The following FBXW7 variants were observed in gnomAD, a reference collection of about 807,000 sequenced individuals.
The protein encoded by FBXW7 is F-box/WD repeat-containing protein 7.
FBXW7 carries 11 observed loss-of-function variants against 86.3 expected under a neutral mutation model. The observed-to-expected ratio is 0.13, with a 90% CI of 0.08 to 0.21. The LOEUF (loss-of-function observed/expected upper bound fraction) is 0.21, where lower values mean the gene tolerates loss of function less well. Ranked by LOEUF, FBXW7 falls within the 10% of genes least tolerant of loss-of-function variation. The probability of loss-of-function intolerance (pLI) is 1.00; values close to 1 mark genes in which losing one functional copy is unlikely to be tolerated. For synonymous variants in FBXW7, 313 were observed against 297.9 expected (o/e 1.05, Z -0.52); for missense variants, 488 against 847.4 (o/e 0.58, Z 5.27).
intron 2 of FBXW7, among the ~76,000 whole-genome samples, chr4:152,414,350 A>G (rs186007224): frequency 6.6e-6 from 1 of 152,246 alleles, no homozygotes; most frequent in East Asian, 1.9e-4. Context: ...CTCATGGACC[A>G]TGAAAATGAC....
intron 2 of FBXW7, among the ~76,000 whole-genome samples, chr4:152,473,674 G>A (rs529357459): frequency 9.4e-4 from 143 of 151,998 alleles, no homozygotes; most frequent in African/African-American, 3.3e-3. Context: ...CATAGAAACT[G>A]GGTCTTGTTA....
intron 2 of FBXW7, among the ~76,000 whole-genome samples, chr4:152,486,137 T>C (rs886894757): frequency 6.6e-5 from 10 of 152,268 alleles, no homozygotes; most frequent in African/African-American, 2.4e-4. Flanking sequence ...TAAAATCATA[T>C]GCCTATATAG....
intron 2 of FBXW7, among the ~76,000 whole-genome samples, chr4:152,440,547 TAA>T (rs1740797045): frequency 6.6e-6 from 1 of 152,198 alleles, no homozygotes; most frequent in Non-Finnish European, 1.5e-5. Context: ...TTAAAATATT[TAA>T]GTTTACCTGA....
At chr4:152,344,404 T>A (rs948881951) in intron 6 of FBXW7, among the ~76,000 whole-genome samples, 1 of 152,190 alleles carries the variant, frequency 6.6e-6, no homozygotes. Flanking sequence ...AAAAAATGTA[T>A]ATAATACTAT....
intron 2 of FBXW7, among the ~76,000 whole-genome samples, chr4:152,491,438 A>G (rs1301956496): frequency 1.3e-5 from 2 of 152,198 alleles, no homozygotes; most frequent in Non-Finnish European, 2.9e-5. Flanking sequence ...ATCATAATTA[A>G]GATAAAAGCT....
rs1728516975 is a variant in FBXW7 at position 152,320,905 on chromosome 4, TATG to T, written c.*1973_*1975del. ...GAAAGTATCGAGGGTAAGCACTTAA[TATG>T]TGGTCAAAATTTCAAAATGAATTTG... On this transcript the variant is annotated 3_prime_UTR_variant, in exon 14 of 14. Transcript: ENST00000281708. 6.6e-6 allele frequency: 1 copy of T among 152,322 alleles called. No individual in the cohort carries two copies. Among genetic ancestry groups the T allele is most frequent in the Non-Finnish European group, 1.5e-5 (1 of 68,134 alleles). The allele number at this position is 152,322 out of a possible 1,614,324, so 9.4% of individuals were successfully genotyped here.
chr4:152,431,736 T>C (rs1739908179), intron 2 of FBXW7, among the ~76,000 whole-genome samples: 1 of 152,154 alleles, frequency 6.6e-6, no homozygotes, highest in African/African-American at 2.4e-5. Flanking sequence ...ATTTAAAAAG[T>C]AATAACAAGA....
At chr4:152,512,089 G>A (rs1235353172) in intron 2 of FBXW7, among the ~76,000 whole-genome samples, 1 of 151,994 alleles carries the variant, frequency 6.6e-6, no homozygotes, top group African/African-American at 2.4e-5. Flanking sequence ...TCTTTCAATG[G>A]ACCAAGGCAG....
intron 4 of FBXW7, among the ~76,000 whole-genome samples, chr4:152,384,780 G>A (rs540456634): frequency 9.9e-5 from 15 of 152,014 alleles, no homozygotes; most frequent in African/African-American, 3.6e-4. Flanking sequence ...AGAGATCTAA[G>A]GTTAGGAGAG....
chr4:152,497,343 C>CCACACACA (rs753468896), intron 2 of FBXW7, among the ~76,000 whole-genome samples: 44 of 86,944 alleles, frequency 5.1e-4, no homozygotes, highest in African/African-American at 1.5e-3. Flanking sequence ...AAAAAAAAAA[C>CCACACACA]CACACACACA....
intron 4 of FBXW7, among the ~76,000 whole-genome samples, chr4:152,376,611 G>A (rs200518386): frequency 2.6e-5 from 4 of 152,090 alleles, no homozygotes; most frequent in Admixed American, 2.6e-4. Flanking sequence ...ATATAGGCTT[G>A]TCTATTATCA....
intron 2 of FBXW7, among the ~76,000 whole-genome samples, chr4:152,457,213 T>C (rs904921008): frequency 1.3e-5 from 2 of 152,160 alleles, no homozygotes; most frequent in African/African-American, 4.8e-5. Flanking sequence ...AAATCAGTGG[T>C]TGCCTGCGAA....
intron 4 of FBXW7, among the ~76,000 whole-genome samples, chr4:152,356,496 T>G (rs1732398234): frequency 6.6e-6 from 1 of 152,154 alleles, no homozygotes; most frequent in Admixed American, 6.6e-5. Context: ...TGTCAGTGAT[T>G]TTATTATTAT....
At chr4:152,467,289 C>T (rs757142821) in intron 2 of FBXW7, among the ~76,000 whole-genome samples, 3 of 152,080 alleles carry the variant, frequency 2.0e-5, no homozygotes, top group Admixed American at 6.5e-5. Flanking sequence ...GCTTTTCCCC[C>T]GATTCACTCT....
intron 2 of FBXW7, among the ~76,000 whole-genome samples, chr4:152,474,933 G>C (rs1056162532): frequency 2.6e-5 from 4 of 151,930 alleles, no homozygotes; most frequent in Non-Finnish European, 2.9e-5. Flanking sequence ...CAAAGTGCTG[G>C]TATTACAGGC....
intron 4 of FBXW7, among the ~76,000 whole-genome samples, chr4:152,408,681 TCTGA>T (rs1316428766): frequency 3.3e-5 from 5 of 152,182 alleles, no homozygotes; most frequent in African/African-American, 4.8e-5. Context: ...TGGCAGAGTC[TCTGA>T]CTATGTTGGA....
At chr4:152,392,455 G>A (rs917183079) in intron 4 of FBXW7, among the ~76,000 whole-genome samples, 2 of 152,092 alleles carry the variant, frequency 1.3e-5, no homozygotes, top group Non-Finnish European at 2.9e-5. Context: ...ATTATATAGA[G>A]ATGTTAGGAG....
intron 2 of FBXW7, among the ~76,000 whole-genome samples, chr4:152,418,038 G>A (rs1036532050): frequency 6.6e-6 from 1 of 151,764 alleles, no homozygotes; most frequent in African/African-American, 2.4e-5. Context: ...AAGCTCTTGG[G>A]GCAAAATGTT....
At chr4:152,376,900 A>G (rs1037404504) in intron 4 of FBXW7, among the ~76,000 whole-genome samples, 1 of 152,210 alleles carries the variant, frequency 6.6e-6, no homozygotes, top group Admixed American at 6.5e-5. Context: ...CATGACTAAA[A>G]TTGTTACATA....
Sources: allele counts gnomAD v4.1 joint callset (sites outside exome capture counted in the v4.1 genomes callset), GRCh38; gene constraint gnomAD v4.1.1; transcripts MANE v1.5; gene names NCBI Gene and HGNC (gene_info 2026-07-23, HGNC 2026-07-21).